Variants in KIAA1671 observed in about 807,000 individuals in gnomAD.
KIAA1671 encodes uncharacterized protein KIAA1671.
In KIAA1671, 52 loss-of-function variants were observed where a neutral mutation model predicts 131.2. The observed-to-expected ratio is 0.40, with a 90% CI of 0.32 to 0.50. The LOEUF (loss-of-function observed/expected upper bound fraction) is 0.50, where lower values mean the gene tolerates loss of function less well. Ranked by LOEUF, KIAA1671 falls within the 20% of genes least tolerant of loss-of-function variation. The probability of loss-of-function intolerance (pLI) is 0.73; values close to 1 mark genes in which losing one functional copy is unlikely to be tolerated. For synonymous variants in KIAA1671, 1,003 were observed against 961.6 expected (o/e 1.04, Z -0.80); for missense variants, 2,360 against 2,364.2 (o/e 1.00, Z 0.04).
intron 6 of KIAA1671, among the ~76,000 whole-genome samples, chr22:25,149,237 AC>A (rs1249218375): frequency 2.6e-5 from 4 of 152,112 alleles, no homozygotes; most frequent in African/African-American, 9.7e-5. Context: ...GTGCCTGGGA[AC>A]CAGGATTGGA....
At chr22:25,117,532 A>T (rs191532130) in intron 6 of KIAA1671, among the ~76,000 whole-genome samples, 23 of 149,954 alleles carry the variant, frequency 1.5e-4, no homozygotes, top group African/African-American at 5.4e-4. Flanking sequence ...TGTGTTAATT[A>T]TGGACTGTAA....
At chr22:25,027,891 C>T in intron 2 of KIAA1671, 54 bp from the exon 3 acceptor site, 1 of 881,836 alleles carries the variant, frequency 1.1e-6, no homozygotes, top group South Asian at 1.8e-5. Context: ...TCTGCTTCAA[C>T]CCAGACACTG....
At chr22:25,119,038 C>T (rs923075157) in intron 6 of KIAA1671, among the ~76,000 whole-genome samples, 96 of 152,266 alleles carry the variant, frequency 6.3e-4, no homozygotes, top group Non-Finnish European at 9.6e-4. Context: ...CACTTGTTCC[C>T]TGGTTTATTC....
rs954399185 is a variant in KIAA1671 at position 25,125,035 on chromosome 22, A to G, written c.4531-45785A>G. Among the ~76,000 whole-genome samples the G allele has an allele frequency of 9.8e-5, 15 of 152,336 alleles. No individual in the cohort carries two copies. In the East Asian group the frequency reaches 2.7e-3, roughly 27 times the overall value. On this transcript the variant is annotated intron_variant, in intron 6 of 12. Coordinates refer to ENST00000358431, the MANE Select transcript of KIAA1671 (RefSeq NM_001145206.2). The stretch of plus-strand genomic sequence containing the variant: ...CAGCCTCCCAAAGTGCTGGGATTAC[A>G]GGCATGAGCCACTGTTCCTGACTGT...
intron 1 of KIAA1671, among the ~76,000 whole-genome samples, chr22:24,954,740 G>A (rs1209153917): frequency 1.3e-5 from 2 of 152,128 alleles, no homozygotes; most frequent in Non-Finnish European, 2.9e-5. Flanking sequence ...CCCCACTGGA[G>A]GTCCTAGGGG....
At chr22:25,082,904 A>G (rs1391343017) in intron 6 of KIAA1671, among the ~76,000 whole-genome samples, 1 of 152,226 alleles carries the variant, frequency 6.6e-6, no homozygotes, top group Non-Finnish European at 1.5e-5. Flanking sequence ...ATACAACTGC[A>G]GGTGTTTCAT....
chr22:25,097,120 T>C (rs544154292), intron 6 of KIAA1671, among the ~76,000 whole-genome samples: 1 of 152,340 alleles, frequency 6.6e-6, no homozygotes, highest in African/African-American at 2.4e-5. Context: ...TCGTTTCTCT[T>C]GGGTAAATAC....
Position 25,039,090 on chromosome 22 carries a change from A to G in KIAA1671, c.1960A>G (p.Met654Val), listed in dbSNP as rs1926773220. The G allele has an allele frequency of 6.4e-7, 1 of 1,551,676 alleles. No homozygotes were observed. Among genetic ancestry groups the G allele is most frequent in the South Asian group, 1.2e-5 (1 of 84,066 alleles). Residue 654 changes from methionine to valine, a missense_variant, in exon 5 of 13, where the codon ATG becomes GTG. Physicochemically the swap from Met to Val is conservative, Grantham distance 21. This residue lies in a region of KIAA1671 where 1,185 missense variants were observed against 1,126.2 expected (regional missense o/e 1.05). Coordinates refer to ENST00000358431, the MANE Select transcript of KIAA1671 (RefSeq NM_001145206.2). ...RVSEPRPRPE[M>V]GSWLGRDPPD... ...CTCAGAACCCAGGCCGAGGCCTGAG[A>G]TGGGCTCTTGGCTGGGCAGGGACCC...
intron 6 of KIAA1671, among the ~76,000 whole-genome samples, chr22:25,089,266 ATT>A (rs34941122): frequency 6.7e-5 from 6 of 89,258 alleles, no homozygotes; most frequent in Non-Finnish European, 8.5e-5. Context: ...TGTGTGTTTA[ATT>A]TTTTTTTTTT....
At chr22:25,184,363 G>C (rs942568447) in intron 10 of KIAA1671, among the ~76,000 whole-genome samples, 3 of 152,192 alleles carry the variant, frequency 2.0e-5, no homozygotes, top group African/African-American at 4.8e-5. Flanking sequence ...AAAGTGATGG[G>C]TGATCAGTGC....
intron 6 of KIAA1671, among the ~76,000 whole-genome samples, chr22:25,099,537 G>GTTTTTTTTTTTTTTT (rs1223034273): frequency 8.9e-6 from 1 of 112,112 alleles, no homozygotes; most frequent in African/African-American, 3.9e-5. Flanking sequence ...CAAAATGTGG[G>GTTTTTTTTTTTTTTT]TTTTTTTGTT....
intron 5 of KIAA1671, among the ~76,000 whole-genome samples, chr22:25,042,490 G>T (rs1371324278): frequency 8.6e-6 from 1 of 116,666 alleles, no homozygotes; most frequent in Non-Finnish European, 1.7e-5. Flanking sequence ...TTTTTGAGAC[G>T]GAGTCTCACA....
In KIAA1671 at chr22:25,039,715, A is replaced by C. The variant is rs1926808076; in HGVS notation, c.2585A>C (p.Glu862Ala). 4 of 1,505,270 alleles carry C rather than the reference A, an allele frequency of 2.7e-6. No homozygotes were observed. Among genetic ancestry groups the C allele is most frequent in the South Asian group, 1.3e-5 (1 of 75,990 alleles). 93.2% of individuals were successfully genotyped at this position (1,505,270 alleles called of 1,614,324 possible). Residue 862 changes from glutamate to alanine, a missense_variant, in exon 5 of 13, where the codon GAG becomes GCG. This residue lies in a region of KIAA1671 where 14 missense variants were observed against 33.2 expected (regional missense o/e 0.42). Transcript: ENST00000358431. ...IKAAIWESQH[E>A]GPEGARSKPG... ...GCTGCCATCTGGGAAAGCCAGCATG[A>C]GGGGCCAGAGGGGGCCAGAAGCAAG...
At chr22:25,147,673 C>T (rs970979451) in intron 6 of KIAA1671, among the ~76,000 whole-genome samples, 2 of 152,116 alleles carry the variant, frequency 1.3e-5, no homozygotes, top group African/African-American at 2.4e-5. Context: ...ATAACATTCC[C>T]TCCTCTCCCA....
chr22:25,063,894 A>ACATCCCAT (rs1166381231), intron 6 of KIAA1671: 3 of 152,126 alleles, frequency 2.0e-5, no homozygotes. Context: ...TCAACTGTAA[A>ACATCCCAT]CATCCCATGA....
chr22:25,116,382 A>AGTATGTATGTATGTATGTATGTAT, intron 6 of KIAA1671, among the ~76,000 whole-genome samples: 1 of 139,152 alleles, frequency 7.2e-6, no homozygotes, highest in Non-Finnish European at 1.5e-5. Context: ...CCCCTCCACC[A>AGTATGTATGTATGTATGTATGTAT]GTATGTATGT....
chr22:25,045,271 G>A (rs1021454566), intron 5 of KIAA1671, among the ~76,000 whole-genome samples: 5 of 152,228 alleles, frequency 3.3e-5, no homozygotes, highest in Non-Finnish European at 5.9e-5. Flanking sequence ...AGGCCCATTA[G>A]TGGTTTTTAA....
At chr22:25,155,719 T>C (rs1480918834) in intron 6 of KIAA1671, among the ~76,000 whole-genome samples, 2 of 152,108 alleles carry the variant, frequency 1.3e-5, no homozygotes, top group Non-Finnish European at 2.9e-5. Flanking sequence ...GTTATGTGTA[T>C]ATTTTTGTGT....
chr22:24,980,558 C>G (rs1396681612), intron 1 of KIAA1671, among the ~76,000 whole-genome samples: 1 of 151,968 alleles, frequency 6.6e-6, no homozygotes. Flanking sequence ...GCATGAGCCA[C>G]CGCACCCAGC....
Sources: allele counts gnomAD v4.1 joint callset (sites outside exome capture counted in the v4.1 genomes callset), GRCh38; gene constraint gnomAD v4.1.1; regional missense constraint gnomAD v4.1.1; transcripts MANE v1.5; gene names NCBI Gene and HGNC (gene_info 2026-07-23, HGNC 2026-07-21).